The following SV2B variants were observed in gnomAD, a reference collection of about 807,000 sequenced individuals.
SV2B encodes the protein synaptic vesicle glycoprotein 2B, also known as solute carrier family 22 member B2.
A neutral mutation model predicts 73.9 loss-of-function variants in SV2B; 41 were observed. The observed-to-expected ratio is 0.56, with a 90% CI of 0.43 to 0.72. SV2B has a LOEUF of 0.72. SV2B is among the 30% of genes least tolerant of loss of function. The pLI is 0.00. For missense variants in SV2B, 764 were observed against 857.8 expected, an observed-to-expected ratio of 0.89 and a Z score of 1.37; for synonymous variants, 314 against 314.2, an observed-to-expected ratio of 1.00 and a Z score of 0.01.
intron 1 of SV2B, among the ~76,000 whole-genome samples, chr15:91,126,207 T>G (rs1050265453): frequency 6.6e-6 from 1 of 152,240 alleles, no homozygotes; most frequent in East Asian, 1.9e-4. Flanking sequence ...CTGTGCCTAC[T>G]GTGCACCTGA....
rs745486361 is a variant in SV2B at position 91,264,476 on chromosome 15, G to C, written c.1009-2106G>C. Among the ~76,000 whole-genome samples, 5 of 152,188 alleles carry C rather than the reference G, an allele frequency of 3.3e-5. No individual in the cohort carries two copies. In the South Asian group the frequency reaches 1.0e-3, roughly 32 times the overall value. The stretch of plus-strand genomic sequence containing the variant: ...TTGCTGGGTTAGAGTTTGGGCCATT[G>C]CCTCATTTGGATTATTCCAGTGGGA... On this transcript the variant is annotated intron_variant, in intron 6 of 12. Coordinates refer to ENST00000394232, the MANE Select transcript of SV2B (RefSeq NM_001323032.3).
chr15:91,278,982 AAG>A (rs1170673964), intron 9 of SV2B, among the ~76,000 whole-genome samples: 3 of 152,284 alleles, frequency 2.0e-5, no homozygotes, highest in East Asian at 1.9e-4. Flanking sequence ...ATTTACGTGA[AAG>A]AGAATTCTCT....
chr15:91,230,682 T>G (rs1197836390), intron 2 of SV2B, among the ~76,000 whole-genome samples: 2 of 152,220 alleles, frequency 1.3e-5, no homozygotes, highest in Admixed American at 6.5e-5. Context: ...ATTTGTTAAT[T>G]AAACTCTTCA....
chr15:91,254,382 G>A (rs1002198973), intron 4 of SV2B, among the ~76,000 whole-genome samples: 2 of 151,982 alleles, frequency 1.3e-5, no homozygotes, highest in African/African-American at 4.8e-5. Context: ...GATTACAGGT[G>A]TGTGCCACCA....
intron 4 of SV2B, among the ~76,000 whole-genome samples, chr15:91,254,816 G>C (rs1249167757): frequency 6.6e-6 from 1 of 152,176 alleles, no homozygotes; most frequent in African/African-American, 2.4e-5. Context: ...ACTCAGACCA[G>C]CTTCCCTCCT....
rs2042229303 is a variant in SV2B at position 91,118,097 on chromosome 15, A to G, written c.-392+17734A>G. Among the ~76,000 whole-genome samples the G allele has an allele frequency of 6.6e-6, 1 of 152,214 alleles. No individual in the cohort carries two copies. The highest frequency in any genetic ancestry group is 1.5e-5 in the Non-Finnish European group (1 of 68,036). Reference sequence around the variant, plus strand: ...AATTTTTGAAATCTTGGCCTGTAACAAATACTAGCTTGAGGTGAAACACTT... The same window carrying G: ...AATTTTTGAAATCTTGGCCTGTAACGAATACTAGCTTGAGGTGAAACACTT... On this transcript the variant is annotated intron_variant, in intron 1 of 12. Coordinates refer to ENST00000394232, the MANE Select transcript of SV2B (RefSeq NM_001323032.3). The surrounding 1 kb of genome is among the most constrained non-coding windows in gnomAD (Gnocchi z 4.7).
Position 91,267,483 on chromosome 15 carries a change from A to G in SV2B, c.1120-72A>G. 7.5e-7 allele frequency: 1 copy of G among 1,333,000 alleles called. No individual in the cohort carries two copies. The allele number at this position is 1,333,000 out of a possible 1,614,324, so 82.6% of individuals were successfully genotyped here. ...GGCAACTTATTAGAATATCTGAGTA[A>G]TGAGCTCTTCGTGGGAGAAACAAAG... is the stretch of plus-strand genomic sequence containing the variant. On this transcript the variant is annotated intron_variant, in intron 7 of 12. Transcript: ENST00000394232. This position sits in a 1 kb window ranked among gnomAD's most constrained non-coding sequence, Gnocchi z 4.3.
At position 91,258,814 on chromosome 15, in the gene SV2B, T is replaced by C. The variant is rs969771372; in HGVS notation, c.918+260T>C. Among the ~76,000 whole-genome samples the C allele has an allele frequency of 6.6e-5, 10 of 151,534 alleles. No individual in the cohort carries two copies. Among genetic ancestry groups the C allele is most frequent in the African/African-American group, 2.4e-4 (10 of 41,218 alleles). On this transcript the variant is annotated intron_variant, in intron 5 of 12. Transcript: ENST00000394232. The surrounding 1 kb of genome is among the most constrained non-coding windows in gnomAD (Gnocchi z 4.7). ...GAGCAGGAGCTCTTTCCCAAGGCTG[T>C]GCAGTGGTGGAAGGGCAGCTCCTGA...
chr15:91,100,867 G>A lies in SV2B; in HGVS notation c.-392+504G>A, dbSNP rs1479776025. ...GGCGCCCTCCGTGGGCGTGGGAGCC[G>A]TTTCTTAGGGACACAGAAGGATTTG... On this transcript the variant is annotated intron_variant, in intron 1 of 12. Transcript: ENST00000394232. This position sits in a 1 kb window ranked among gnomAD's most constrained non-coding sequence, Gnocchi z 6.4. Among the ~76,000 whole-genome samples the A allele has an allele frequency of 6.6e-6, 1 of 152,202 alleles. No individual in the cohort carries two copies. Among genetic ancestry groups the A allele is most frequent in the Non-Finnish European group, 1.5e-5 (1 of 68,030 alleles).
At chr15:91,208,756 T>TA (rs1251635735) in intron 1 of SV2B, among the ~76,000 whole-genome samples, 1 of 152,120 alleles carries the variant, frequency 6.6e-6, no homozygotes, top group Non-Finnish European at 1.5e-5. Context: ...ATGCATCTTT[T>TA]AAAAAAATGA....
intron 1 of SV2B, among the ~76,000 whole-genome samples, chr15:91,170,563 A>G (rs2044088305): frequency 6.6e-6 from 1 of 152,240 alleles, no homozygotes; most frequent in South Asian, 2.1e-4. Context: ...CTGGGATTAC[A>G]GGCATGAGCC....
Position 91,293,162 on chromosome 15 carries a change from T to C in SV2B, c.*610T>C, listed in dbSNP as rs913560881. On this transcript the variant is annotated 3_prime_UTR_variant, in exon 13 of 13. Transcript: ENST00000394232. The stretch of plus-strand genomic sequence containing the variant: ...TCTCCTATGTCTCCTAGGCTTTCCA[T>C]GATAATTAGGTAATACATTTAAGAA... 6.6e-6 allele frequency: 1 copy of C among 152,250 alleles called. No homozygotes were observed. Among genetic ancestry groups the C allele is most frequent in the African/African-American group, 2.4e-5 (1 of 41,466 alleles). 9.4% of individuals were successfully genotyped at this position (152,250 alleles called of 1,614,324 possible).
At chr15:91,135,886 A>G (rs2042808112) in intron 1 of SV2B, among the ~76,000 whole-genome samples, 1 of 152,150 alleles carries the variant, frequency 6.6e-6, no homozygotes, top group Admixed American at 6.5e-5. Context: ...GCCTCTCCTA[A>G]AACTCCTCTC....
chr15:91,194,482 TGA>T (rs2045169645), intron 1 of SV2B, among the ~76,000 whole-genome samples: 1 of 152,218 alleles, frequency 6.6e-6, no homozygotes, highest in African/African-American at 2.4e-5. Flanking sequence ...TTCTCTTGAG[TGA>T]ATACCCAGGA....
rs140487968 is a variant in SV2B at position 91,288,206 on chromosome 15, A to C, written c.1709-1315A>C. On this transcript the variant is annotated intron_variant, in intron 11 of 12. Coordinates refer to ENST00000394232, the MANE Select transcript of SV2B (RefSeq NM_001323032.3). This position sits in a 1 kb window ranked among gnomAD's most constrained non-coding sequence, Gnocchi z 5.8. ...GGTTTCCCTTCAATAGCCCATGTAC[A>C]GGTGTGTTCTCACCAGGTTATAAGC... Among the ~76,000 whole-genome samples, 13 of 152,324 alleles carry C rather than the reference A, an allele frequency of 8.5e-5. No individual in the cohort carries two copies. Among genetic ancestry groups the C allele is most frequent in the African/African-American group, 3.1e-4 (13 of 41,564 alleles).
rs1567036161 is a variant in SV2B, at chr15:91,296,965, A to AGCACGCTCCTTCTGCCCGATCGTTGGGC, written c.*4449_*4476dup. 4.3e-4 allele frequency: 47 copies of AGCACGCTCCTTCTGCCCGATCGTTGGGC among 109,732 alleles called. 2 individuals are homozygous for AGCACGCTCCTTCTGCCCGATCGTTGGGC. Among genetic ancestry groups the AGCACGCTCCTTCTGCCCGATCGTTGGGC allele is most frequent in the African/African-American group, 1.4e-3 (36 of 25,084 alleles). The allele number at this position is 109,732 out of a possible 1,614,324, so 6.8% of individuals were successfully genotyped here. On this transcript the variant is annotated 3_prime_UTR_variant, in exon 13 of 13. Coordinates refer to ENST00000394232, the MANE Select transcript of SV2B (RefSeq NM_001323032.3). Reference sequence around the variant, plus strand: ...ACGCTCATTCTGCCCGATTGTTGGGAGCACGCTCCTTCTGCCCGATCGTTG... The same window carrying AGCACGCTCCTTCTGCCCGATCGTTGGGC: ...ACGCTCATTCTGCCCGATTGTTGGGAGCACGCTCCTTCTGCCCGATCGTTGGGCGCACGCTCCTTCTGCCCGATCGTTG...
chr15:91,292,695 C>A lies in SV2B; in HGVS notation c.*143C>A. On this transcript the variant is annotated 3_prime_UTR_variant, in exon 13 of 13. Transcript: ENST00000394232. ...ACTTTGTGACCCCTAGTTTAGGACC[C>A]ACTTCAGCTGTCAATATGTTTGTAA... The A allele has an allele frequency of 1.0e-6, 1 of 1,000,706 alleles. No homozygotes were observed. Among genetic ancestry groups the A allele is most frequent in the Non-Finnish European group, 1.4e-6 (1 of 708,038 alleles). The allele number at this position is 1,000,706 out of a possible 1,614,324, so 62.0% of individuals were successfully genotyped here. A position where few individuals can be genotyped will look rare whatever the true frequency, so the allele number is the denominator to read the frequency against.
rs2048797694 is a variant in SV2B at position 91,284,628 on chromosome 15, C to G, written c.1708+407C>G. On this transcript the variant is annotated intron_variant, in intron 11 of 12. Transcript: ENST00000394232. This position sits in a 1 kb window ranked among gnomAD's most constrained non-coding sequence, Gnocchi z 4.5. ...TTACTTTTATTATTTAATAGCAATA[C>G]CACTTTAGGCTTTGGAGTTGGACAG... is the stretch of plus-strand genomic sequence containing the variant. 6.6e-6 allele frequency among the ~76,000 whole-genome samples: 1 copy of G among 152,182 alleles called. No homozygotes were observed. Among genetic ancestry groups the G allele is most frequent in the South Asian group, 2.1e-4 (1 of 4,824 alleles).
intron 1 of SV2B, among the ~76,000 whole-genome samples, chr15:91,208,229 G>A (rs745440650): frequency 6.6e-6 from 1 of 152,200 alleles, no homozygotes; most frequent in Non-Finnish European, 1.5e-5. Context: ...TTCCCCAGCA[G>A]ATACCACTAA....
Sources: gnomAD v4.1 joint callset for allele counts (sites outside exome capture counted in the v4.1 genomes callset) on GRCh38, gnomAD v4.1.1 for gene constraint, Gnocchi (gnomAD v3.1) non-coding constraint, MANE v1.5 for transcripts, NCBI Gene and HGNC (gene_info 2026-07-23, HGNC 2026-07-21) for gene names.